Variants in NRCAM observed in about 807,000 individuals in gnomAD.
NRCAM encodes NgCAM-related cell adhesion molecule.
Under a neutral mutation model 156.5 loss-of-function variants are expected in NRCAM, and 83 were observed. The observed-to-expected ratio is 0.53, with a 90% CI of 0.44 to 0.64. The LOEUF is 0.64. NRCAM is among the 30% of genes least tolerant of loss of function. The pLI is 0.00. For missense variants in NRCAM, 1,417 were observed against 1,597.3 expected, an observed-to-expected ratio of 0.89 and a Z score of 1.92; for synonymous variants, 538 against 563.9, an observed-to-expected ratio of 0.95 and a Z score of 0.65.
At chr7:108,379,922 GGA>G (rs1455486770) in intron 2 of NRCAM, among the ~76,000 whole-genome samples, 2 of 152,052 alleles carry the variant, frequency 1.3e-5, no homozygotes, top group African/African-American at 4.8e-5. Context: ...TTCAAATGGA[GGA>G]GAGACAATTT....
intron 2 of NRCAM, among the ~76,000 whole-genome samples, chr7:108,330,617 C>G (rs1213083740): frequency 6.6e-6 from 1 of 152,152 alleles, no homozygotes; most frequent in Non-Finnish European, 1.5e-5. Context: ...ATCAATGAAT[C>G]TGTCATTTTA....
rs1212537091 is a variant in NRCAM at position 108,381,884 on chromosome 7, C to T, written c.-174+17552G>A. Among the ~76,000 whole-genome samples, 5 of 152,024 alleles carry T rather than the reference C, an allele frequency of 3.3e-5. No individual in the cohort carries two copies. In the East Asian group the frequency reaches 9.6e-4, roughly 29 times the overall value. ...CCTGCCTTGACCATTTTTTACATGG[C>T]TTTAGGGTAATCTCATCCTATCTAG... On this transcript the variant is annotated intron_variant, in intron 2 of 32. Coordinates refer to ENST00000379028, the MANE Select transcript of NRCAM (RefSeq NM_001037132.4).
intron 11 of NRCAM, among the ~76,000 whole-genome samples, chr7:108,217,476 A>T (rs2089906042): frequency 6.6e-6 from 1 of 152,184 alleles, no homozygotes; most frequent in South Asian, 2.1e-4. Flanking sequence ...CTCTTTTCAG[A>T]GCCAGCAGCA....
intron 5 of NRCAM, 65 bp downstream of exon 5, chr7:108,237,683 TATTA>T: frequency 8.4e-7 from 1 of 1,197,594 alleles, no homozygotes; most frequent in South Asian, 1.8e-5. Context: ...TAAATCACAA[TATTA>T]ATTCAAAAAG....
chr7:108,378,623 G>A (rs1412105323), intron 2 of NRCAM, among the ~76,000 whole-genome samples: 2 of 118,750 alleles, frequency 1.7e-5, no homozygotes, highest in Non-Finnish European at 3.6e-5. Context: ...AAACAAATAA[G>A]CAGGATTCAA....
At chr7:108,263,351 G>A (rs2096955535) in intron 3 of NRCAM, among the ~76,000 whole-genome samples, 2 of 152,230 alleles carry the variant, frequency 1.3e-5, no homozygotes, top group Non-Finnish European at 2.9e-5. Flanking sequence ...AGTGTGGGAT[G>A]AGAATAACAC....
chr7:108,357,333 A>C (rs1594925526), intron 2 of NRCAM, among the ~76,000 whole-genome samples: 1 of 136,514 alleles, frequency 7.3e-6, no homozygotes, highest in Non-Finnish European at 1.6e-5. Flanking sequence ...GGTGGGGCCA[A>C]CTTTTTTTTT....
At position 108,300,160 on chromosome 7, in the gene NRCAM, CTT is replaced by C. The variant is rs10665036; in HGVS notation, c.-107+12503_-107+12504del. On this transcript the variant is annotated intron_variant, in intron 3 of 32. Transcript: ENST00000379028. ...TAATCCTTCCCCAAATTTCTGTTGA[CTT>C]TTTTTTTTTTTTTTTTTTTTTTTTT... 3.5e-3 allele frequency among the ~76,000 whole-genome samples: 232 copies of C among 65,856 alleles called. 3 individuals carry two copies. The highest frequency in any genetic ancestry group is 0.02 in the Admixed American group (91 of 4,538). The allele number at this position is 65,856 out of a possible 152,430, so 43.2% of individuals were successfully genotyped here. A position where few individuals can be genotyped will look rare whatever the true frequency, so the allele number is the denominator to read the frequency against.
At chr7:108,330,466 A>G (rs563232665) in intron 2 of NRCAM, among the ~76,000 whole-genome samples, 100 of 152,288 alleles carry the variant, frequency 6.6e-4, no homozygotes, top group Non-Finnish European at 1.2e-3. Flanking sequence ...AGACCCATTA[A>G]ACACGAAATG....
At chr7:108,174,213 A>G (rs534984072) in intron 28 of NRCAM, among the ~76,000 whole-genome samples, 46 of 152,238 alleles carry the variant, frequency 3.0e-4, no homozygotes, top group Admixed American at 7.8e-4. Context: ...AAAAACACAA[A>G]TATAATACTC....
At chr7:108,364,762 A>G (rs891063996) in intron 2 of NRCAM, among the ~76,000 whole-genome samples, 1 of 143,530 alleles carries the variant, frequency 7.0e-6, no homozygotes, top group African/African-American at 2.6e-5. Context: ...AAGCCATTCC[A>G]CTCATATGAA....
chr7:108,320,228 G>A (rs2098984235), intron 2 of NRCAM, among the ~76,000 whole-genome samples: 1 of 152,086 alleles, frequency 6.6e-6, no homozygotes. Flanking sequence ...AGGCAAGGAG[G>A]ATAGCTTGGG....
intron 28 of NRCAM, among the ~76,000 whole-genome samples, chr7:108,169,472 T>C (rs550600753): frequency 2.0e-5 from 3 of 152,328 alleles, no homozygotes; most frequent in Non-Finnish European, 4.4e-5. Flanking sequence ...GTTTATAAAA[T>C]GTAGACGCTC....
chr7:108,253,477 C>T (rs1380298457), intron 3 of NRCAM, among the ~76,000 whole-genome samples: 1 of 152,186 alleles, frequency 6.6e-6, no homozygotes, highest in African/African-American at 2.4e-5. Flanking sequence ...TAGTGTGTTT[C>T]TGGCAAGTGC....
At chr7:108,291,616 G>A (rs2098293408) in intron 3 of NRCAM, among the ~76,000 whole-genome samples, 1 of 152,106 alleles carries the variant, frequency 6.6e-6, no homozygotes, top group South Asian at 2.1e-4. Context: ...TGAAGACAGT[G>A]ATCAATGTTT....
chr7:108,329,946 GC>G (rs1398603867), intron 2 of NRCAM, among the ~76,000 whole-genome samples: 57 of 152,286 alleles, frequency 3.7e-4, no homozygotes, highest in African/African-American at 1.3e-3. Context: ...AGGGAGGAAA[GC>G]CTTTAAACTT....
intron 3 of NRCAM, among the ~76,000 whole-genome samples, chr7:108,307,680 CAAA>C (rs796191425): frequency 7.9e-6 from 1 of 127,178 alleles, no homozygotes; most frequent in Non-Finnish European, 1.7e-5. Context: ...CAAAGCAAAG[CAAA>C]AAAAAAAAAA....
intron 2 of NRCAM, among the ~76,000 whole-genome samples, chr7:108,397,775 T>C (rs1374701726): frequency 6.6e-6 from 1 of 152,220 alleles, no homozygotes; most frequent in Non-Finnish European, 1.5e-5. Context: ...AGCACTGGCT[T>C]GTTACTGTCC....
rs2099173387 is a variant in NRCAM at position 108,335,461 on chromosome 7, A to ATTTTTTTTTTTTTGTTT, written c.-173-22731_-173-22730insAAACAAAAAAAAAAAAA. Among the ~76,000 whole-genome samples the ATTTTTTTTTTTTTGTTT allele has an allele frequency of 2.0e-4, 5 of 25,552 alleles. No homozygotes were observed. The South Asian group carries it at 8.4e-3, about 43-fold the overall frequency. The allele number at this position is 25,552 out of a possible 152,430, so 16.8% of individuals were successfully genotyped here. ...TTTTTTTTTTTTTTTTTTTTTTTTC[A>ATTTTTTTTTTTTTGTTT]GTTTTCACTGCAAAGACAAGTGGCT... On this transcript the variant is annotated intron_variant, in intron 2 of 32. Transcript: ENST00000379028.
Sources: gnomAD v4.1 joint callset for allele counts (sites outside exome capture counted in the v4.1 genomes callset) on GRCh38, gnomAD v4.1.1 for gene constraint, MANE v1.5 for transcripts, NCBI Gene and HGNC (gene_info 2026-07-23, HGNC 2026-07-21) for gene names.